The following DNAH14 variants were observed in gnomAD, a reference collection of about 807,000 sequenced individuals.
DNAH14 encodes the protein axonemal beta dynein heavy chain 14.
A neutral mutation model predicts 520.9 loss-of-function variants in DNAH14; 478 were observed. The observed-to-expected ratio is 0.92, with a 90% CI of 0.85 to 0.99. DNAH14 has a LOEUF of 0.99. Among genes scored for constraint, DNAH14 ranks in the 50% least tolerant of loss-of-function variants. DNAH14 has a pLI of 0.00. For synonymous variants in DNAH14, 1,581 were observed against 1,757.2 expected (o/e 0.90, Z 2.51); for missense variants, 4,831 against 5,234.5 (o/e 0.92, Z 2.38).
chr1:225,212,464 C>A (rs1463761215), intron 41 of DNAH14, among the ~76,000 whole-genome samples: 1 of 152,090 alleles, frequency 6.6e-6, no homozygotes, highest in Non-Finnish European at 1.5e-5. Flanking sequence ...AGTTCTAGAT[C>A]CCTGAGGAAT....
chr1:224,944,455 T>C (rs2059653541), intron 1 of DNAH14, among the ~76,000 whole-genome samples: 1 of 152,188 alleles, frequency 6.6e-6, no homozygotes, highest in Non-Finnish European at 1.5e-5. Context: ...AGCTTGCCAG[T>C]CTGTGTCTTT....
At chr1:225,125,994 T>A (rs775789829) in intron 27 of DNAH14, among the ~76,000 whole-genome samples, 1 of 152,146 alleles carries the variant, frequency 6.6e-6, no homozygotes, top group South Asian at 2.1e-4. Context: ...AGGAGAGAGA[T>A]GGGGGAATGA....
chr1:225,368,986 A>C (rs887180274), intron 77 of DNAH14, among the ~76,000 whole-genome samples: 1 of 152,212 alleles, frequency 6.6e-6, no homozygotes, highest in African/African-American at 2.4e-5. Flanking sequence ...ATCAAAAGGC[A>C]GATAATATAT....
chr1:225,268,321 A>G (rs1308293621), intron 49 of DNAH14, among the ~76,000 whole-genome samples: 2 of 152,222 alleles, frequency 1.3e-5, no homozygotes, highest in Non-Finnish European at 2.9e-5. Flanking sequence ...TATTGCTGGG[A>G]CATATCTCAA....
chr1:225,071,786 A>G (rs1487516372), intron 17 of DNAH14, among the ~76,000 whole-genome samples: 1 of 152,164 alleles, frequency 6.6e-6, no homozygotes, highest in Non-Finnish European at 1.5e-5. Flanking sequence ...GAAGTGCCAA[A>G]CAAAAGGCAG....
intron 46 of DNAH14, among the ~76,000 whole-genome samples, chr1:225,261,385 T>G (rs970639491): frequency 1.3e-5 from 2 of 152,220 alleles, no homozygotes; most frequent in Non-Finnish European, 2.9e-5. Context: ...TCTGTATTTA[T>G]TAAGATGACC....
intron 83 of DNAH14, among the ~76,000 whole-genome samples, chr1:225,390,216 A>G (rs111459930): frequency 0.015 from 2,226 of 152,302 alleles, 52 homozygotes; most frequent in African/African-American, 0.049. Flanking sequence ...GGAGACGGGC[A>G]ACTTCACAAG....
At chr1:225,114,331 A>G (rs772996588) in intron 23 of DNAH14, among the ~76,000 whole-genome samples, 3 of 152,064 alleles carry the variant, frequency 2.0e-5, no homozygotes, top group Non-Finnish European at 4.4e-5. Context: ...CAGGTGCCCT[A>G]TCCTACTATG....
intron 9 of DNAH14, 117 bp from the exon 10 acceptor site, chr1:225,007,296 C>T: frequency 1.3e-6 from 1 of 791,994 alleles, no homozygotes; most frequent in Non-Finnish European, 1.7e-6. Context: ...ATAGGATATA[C>T]AGAAGAAAAT....
chr1:225,260,290 T>C (rs1269932039), intron 46 of DNAH14, among the ~76,000 whole-genome samples: 4 of 150,642 alleles, frequency 2.7e-5, no homozygotes, highest in African/African-American at 9.8e-5. Flanking sequence ...AGGTGGAGGT[T>C]GCAGTGAGCC....
intron 17 of DNAH14, among the ~76,000 whole-genome samples, chr1:225,078,690 C>CTT (rs1572905967): frequency 6.6e-6 from 1 of 151,966 alleles, no homozygotes; most frequent in East Asian, 1.9e-4. Flanking sequence ...TGGGGGTGGA[C>CTT]TTCCCCCTTG....
At chr1:225,357,783 T>C in intron 73 of DNAH14, 1 of 702,186 alleles carries the variant, frequency 1.4e-6, no homozygotes, top group East Asian at 2.7e-5. Flanking sequence ...CTGACGTGTG[T>C]AGCTTCAGTT....
chr1:225,335,862 T>C (rs1477222853), intron 66 of DNAH14, among the ~76,000 whole-genome samples: 1 of 72,810 alleles, frequency 1.4e-5, no homozygotes, highest in Non-Finnish European at 2.7e-5. Context: ...TGTACATATA[T>C]GTACATACAC....
At chr1:225,044,772 A>AT (rs781725388) in intron 15 of DNAH14, among the ~76,000 whole-genome samples, 53 of 152,250 alleles carry the variant, frequency 3.5e-4, no homozygotes, top group African/African-American at 1.3e-3. Context: ...AGTTGTTATA[A>AT]TTTTTTACCC....
chr1:225,270,122 C>A (rs965891121), intron 49 of DNAH14, among the ~76,000 whole-genome samples: 1 of 152,128 alleles, frequency 6.6e-6, no homozygotes, highest in African/African-American at 2.4e-5. Context: ...CACATATACA[C>A]CATGGAATAC....
At chr1:225,055,911 A>G (rs2069027127) in intron 17 of DNAH14, among the ~76,000 whole-genome samples, 1 of 152,104 alleles carries the variant, frequency 6.6e-6, no homozygotes, top group Admixed American at 6.5e-5. Context: ...TATATGTGCC[A>G]CATTTTCTTA....
intron 8 of DNAH14, among the ~76,000 whole-genome samples, chr1:224,986,463 G>A (rs778924102): frequency 6.6e-6 from 1 of 152,024 alleles, no homozygotes; most frequent in Non-Finnish European, 1.5e-5. Flanking sequence ...TCTATCCCGG[G>A]GATGCAAGGA....
chr1:225,211,405 A>G (rs577636418), intron 41 of DNAH14, among the ~76,000 whole-genome samples: 165 of 152,172 alleles, frequency 1.1e-3, no homozygotes, highest in Non-Finnish European at 1.9e-3. Context: ...AAAGAATATC[A>G]GAGATTAAAG....
rs191811978 is a variant in DNAH14, at chr1:225,272,998, C to T, written c.7883C>T (p.Ser2628Phe). 2.4e-5 allele frequency: 37 copies of T among 1,551,076 alleles called. No individual in the cohort carries two copies. In the East Asian group the frequency reaches 9.1e-4, roughly 38 times the overall value. Residue 2628 changes from serine to phenylalanine, a missense_variant, in exon 52 of 86, where the codon TCC becomes TTC. Coordinates refer to ENST00000682510, the MANE Select transcript of DNAH14 (RefSeq NM_001367479.1). ...LLQADRTVVN[S>F]KEMAALLFVH... The stretch of plus-strand genomic sequence containing the variant: ...CAAGCTGACAGGACTGTTGTTAACT[C>T]CAAAGAGATGGCTGCTCTGCTCTTT...
Sources: allele counts gnomAD v4.1 joint callset (sites outside exome capture counted in the v4.1 genomes callset), GRCh38; gene constraint gnomAD v4.1.1; transcripts MANE v1.5; gene names NCBI Gene and HGNC (gene_info 2026-07-23, HGNC 2026-07-21).